The following LRP1B variants were observed in gnomAD, a reference collection of about 807,000 sequenced individuals.
The protein encoded by LRP1B is low-density lipoprotein receptor-related protein 1B.
Under a neutral mutation model 556.6 loss-of-function variants are expected in LRP1B, and 217 were observed. That is an observed-to-expected ratio of 0.39 (90% CI 0.35 to 0.44). The LOEUF (loss-of-function observed/expected upper bound fraction) is 0.44, where lower values mean the gene tolerates loss of function less well. Ranked by LOEUF, LRP1B falls within the 20% of genes least tolerant of loss-of-function variation. The probability of loss-of-function intolerance (pLI) is 1.00; values close to 1 mark genes in which losing one functional copy is unlikely to be tolerated. For missense variants in LRP1B, 5,053 were observed against 5,620.8 expected (o/e 0.90, Z 3.23); for synonymous variants, 2,047 against 1,865.8 (o/e 1.10, Z -2.50).
intron 8 of LRP1B, 72 bp downstream of exon 8, chr2:141,061,979 G>T: frequency 1.7e-6 from 2 of 1,209,756 alleles, no homozygotes; most frequent in Admixed American, 1.7e-5. Flanking sequence ...GAAATTTTCA[G>T]TATTGCAAAT....
intron 25 of LRP1B, among the ~76,000 whole-genome samples, chr2:140,874,730 G>A (rs1693250049): frequency 1.3e-5 from 2 of 151,700 alleles, no homozygotes; most frequent in Admixed American, 1.3e-4. Flanking sequence ...GTCTAAAAAG[G>A]ACACCAGGCT....
At chr2:140,850,683 A>G (rs1692430426) in intron 28 of LRP1B, among the ~76,000 whole-genome samples, 1 of 152,180 alleles carries the variant, frequency 6.6e-6, no homozygotes, top group African/African-American at 2.4e-5. Context: ...ATTGTATTGC[A>G]TTACAAGATT....
At chr2:140,713,190 T>TG (rs1687094544) in intron 37 of LRP1B, among the ~76,000 whole-genome samples, 1 of 152,102 alleles carries the variant, frequency 6.6e-6, no homozygotes, top group South Asian at 2.1e-4. Flanking sequence ...AAAGATCCCA[T>TG]AACTTCCCAG....
At chr2:140,794,501 ACACACACACACACAC>A (rs1221111301) in intron 32 of LRP1B, among the ~76,000 whole-genome samples, 1 of 151,836 alleles carries the variant, frequency 6.6e-6, no homozygotes, top group East Asian at 1.9e-4. Context: ...ACACACACAC[ACACACACACACACAC>A]ACATATTTCA....
rs528730333 is a variant in LRP1B, at chr2:142,034,939, T to C, written c.82+95709A>G. The stretch of plus-strand genomic sequence containing the variant: ...AAGTTATAAAACTATAAAAATGTAT[T>C]GGTGGAATTAATATGAATATTTGAT... On this transcript the variant is annotated intron_variant, in intron 1 of 90. Coordinates refer to ENST00000389484, the MANE Select transcript of LRP1B (RefSeq NM_018557.3). Among the ~76,000 whole-genome samples the C allele has an allele frequency of 1.7e-3, 252 of 151,872 alleles. 1 individual carries two copies. Among genetic ancestry groups the C allele is most frequent in the Middle Eastern group, 0.014 (4 of 294 alleles).
intron 1 of LRP1B, among the ~76,000 whole-genome samples, chr2:142,124,502 C>T (rs1421673134): frequency 6.6e-6 from 1 of 151,456 alleles, no homozygotes; most frequent in Non-Finnish European, 1.5e-5. Flanking sequence ...GAGAGAAAAT[C>T]TTTGAAATCA....
chr2:140,944,140 A>C (rs1467266999), intron 20 of LRP1B, among the ~76,000 whole-genome samples: 1 of 152,118 alleles, frequency 6.6e-6, no homozygotes, highest in Non-Finnish European at 1.5e-5. Flanking sequence ...TATTATGAAC[A>C]CCTCTGTGTG....
intron 7 of LRP1B, among the ~76,000 whole-genome samples, chr2:141,177,359 G>A (rs1010091722): frequency 3.3e-5 from 5 of 152,020 alleles, no homozygotes; most frequent in East Asian, 1.9e-4. Context: ...GCTACCACAA[G>A]TACAATACCG....
intron 3 of LRP1B, among the ~76,000 whole-genome samples, chr2:141,407,631 C>G (rs531707972): frequency 1.3e-5 from 2 of 152,108 alleles, no homozygotes; most frequent in African/African-American, 2.4e-5. Context: ...CTCTCACTTG[C>G]TCCTGCTTTC....
At chr2:141,647,082 G>T (rs1032086282) in intron 2 of LRP1B, among the ~76,000 whole-genome samples, 4 of 152,118 alleles carry the variant, frequency 2.6e-5, no homozygotes, top group Non-Finnish European at 4.4e-5. Context: ...AGTTGTGGGT[G>T]GGGGAAGAAG....
chr2:140,952,162 A>G (rs929252545), intron 18 of LRP1B, among the ~76,000 whole-genome samples: 1 of 152,208 alleles, frequency 6.6e-6, no homozygotes, highest in Non-Finnish European at 1.5e-5. Context: ...CTGAAAGCCT[A>G]GGAGAATTAT....
At chr2:140,246,881 T>C (rs1386843247) in intron 87 of LRP1B, among the ~76,000 whole-genome samples, 1 of 151,470 alleles carries the variant, frequency 6.6e-6, no homozygotes, top group Non-Finnish European at 1.5e-5. Flanking sequence ...GGATAAACTC[T>C]CCCAGCCTAA....
chr2:142,086,641 A>AAACAAACAAAC (rs143098707), intron 1 of LRP1B, among the ~76,000 whole-genome samples: 382 of 19,052 alleles, frequency 0.02, 1 homozygote, highest in African/African-American at 0.03. Context: ...ACAAACAAAC[A>AAACAAACAAAC]AAAAAAAAAC....
intron 1 of LRP1B, among the ~76,000 whole-genome samples, chr2:142,118,704 T>C (rs1707356948): frequency 6.6e-6 from 1 of 152,154 alleles, no homozygotes; most frequent in Admixed American, 6.6e-5. Context: ...TATATACAAG[T>C]AACCCTTCCC....
intron 3 of LRP1B, among the ~76,000 whole-genome samples, chr2:141,468,636 G>A (rs1682335002): frequency 6.6e-6 from 1 of 152,034 alleles, no homozygotes; most frequent in African/African-American, 2.4e-5. Flanking sequence ...GACCACTAAA[G>A]TAATATTTAA....
At chr2:140,233,445 A>G in intron 90 of LRP1B, 119 bp from the exon 91 acceptor site, 1 of 598,084 alleles carries the variant, frequency 1.7e-6, no homozygotes. Flanking sequence ...CATTTAATTT[A>G]TTAAATAGTA....
rs559929650 is a variant in LRP1B at position 141,083,387 on chromosome 2, T to TA, written c.1014-21115dup. ...AAAATGAAGAAGGAACAGGGATGATTAAAAAAAAAAAAAAAGAACTTTGCT... is the reference window on the plus strand; with the variant it reads ...AAAATGAAGAAGGAACAGGGATGATTAAAAAAAAAAAAAAAAGAACTTTGCT... On this transcript the variant is annotated intron_variant, in intron 7 of 90. Coordinates refer to ENST00000389484, the MANE Select transcript of LRP1B (RefSeq NM_018557.3). 7.1e-3 allele frequency among the ~76,000 whole-genome samples: 953 copies of TA among 135,078 alleles called. 9 individuals carry two copies. Among genetic ancestry groups the TA allele is most frequent in the Middle Eastern group, 0.039 (10 of 254 alleles). 88.6% of individuals were successfully genotyped at this position (135,078 alleles called of 152,430 possible). A position where few individuals can be genotyped will look rare whatever the true frequency, so the allele number is the denominator to read the frequency against.
intron 6 of LRP1B, among the ~76,000 whole-genome samples, chr2:141,202,392 T>C (rs759493476): frequency 1.3e-5 from 2 of 152,230 alleles, no homozygotes; most frequent in Non-Finnish European, 2.9e-5. Context: ...TGCATGTGTC[T>C]TTATGGTAGA....
At chr2:141,641,330 A>G (rs1689325104) in intron 2 of LRP1B, among the ~76,000 whole-genome samples, 1 of 152,166 alleles carries the variant, frequency 6.6e-6, no homozygotes, top group South Asian at 2.1e-4. Flanking sequence ...ACCATATTAT[A>G]TGATCTTCCA....
Sources: gnomAD v4.1 joint callset for allele counts (sites outside exome capture counted in the v4.1 genomes callset) on GRCh38, gnomAD v4.1.1 for gene constraint, MANE v1.5 for transcripts, NCBI Gene and HGNC (gene_info 2026-07-23, HGNC 2026-07-21) for gene names.